Variants in AP2A2 observed in about 807,000 individuals in gnomAD.
AP2A2 encodes AP-2 complex subunit alpha-2.
AP2A2 carries 32 observed loss-of-function variants against 104.2 expected under a neutral mutation model. The ratio of observed to expected loss-of-function variants is 0.31; its 90% confidence interval spans 0.23 to 0.41. The LOEUF is 0.41. Ranked by LOEUF, AP2A2 falls within the 10% of genes least tolerant of loss-of-function variation. AP2A2 has a pLI of 1.00. For missense variants in AP2A2, 912 were observed against 1,261.0 expected (o/e 0.72, Z 4.19); for synonymous variants, 539 against 533.3 (o/e 1.01, Z -0.15).
rs754635739 is a variant in AP2A2 at position 993,842 on chromosome 11, T to C, written c.1639T>C (p.Phe547Leu). 6.2e-7 allele frequency: 1 copy of C among 1,609,362 alleles called. No homozygotes were observed. Among genetic ancestry groups the C allele is most frequent in the South Asian group, 1.1e-5 (1 of 90,960 alleles). ...GCTGCTCCTGTCCACCTACATCAAG[T>C]TCGTGAACCTCTTCCCGGAGGTGAA... ...RALLLSTYIKFVNLFPEVKPT... is the reference protein window; with the variant it reads ...RALLLSTYIKLVNLFPEVKPT... The change falls in exon 13 of 22, where the codon TTC (phenylalanine) becomes CTC (leucine). Residue 547 changes from phenylalanine to leucine, a missense_variant. By Grantham distance (22) the Phe-to-Leu change is conservative. Around this residue, in one of 7 missense-constraint regions of AP2A2, gnomAD observed 137 missense variants for 186.9 expected, o/e 0.73. Coordinates refer to ENST00000448903, the MANE Select transcript of AP2A2 (RefSeq NM_012305.4). The surrounding 1 kb of genome is among the most constrained non-coding windows in gnomAD (Gnocchi z 8.2).
chr11:941,364 C>T (rs1480561132), intron 1 of AP2A2, among the ~76,000 whole-genome samples: 4 of 152,124 alleles, frequency 2.6e-5, no homozygotes, highest in African/African-American at 7.2e-5. Context: ...ACACATGCCC[C>T]GGCCCCCATT....
At chr11:995,420 C>T (rs934345241) in intron 14 of AP2A2, 4 of 455,592 alleles carry the variant, frequency 8.8e-6, no homozygotes, top group African/African-American at 8.0e-5. Context: ...AGGGAGGGCT[C>T]CTGTCGGGGT....
intron 1 of AP2A2, among the ~76,000 whole-genome samples, chr11:955,669 C>T (rs1369079046): frequency 6.6e-6 from 1 of 152,242 alleles, no homozygotes; most frequent in Admixed American, 6.5e-5. Context: ...CCTGTTCTGA[C>T]CACCTGTCCA....
At position 956,634 on chromosome 11, in the gene AP2A2, C is replaced by G. The variant is rs1460144836; in HGVS notation, c.68-2803C>G. ...CACAGCTGGTCCAGGTAGAGTTAAA[C>G]TACACGTGGTCTCATCTCTCTCCCT... On this transcript the variant is annotated intron_variant, in intron 1 of 21. Coordinates refer to ENST00000448903, the MANE Select transcript of AP2A2 (RefSeq NM_012305.4). Among the ~76,000 whole-genome samples, 3 of 152,228 alleles carry G rather than the reference C, an allele frequency of 2.0e-5. No homozygotes were observed. In the East Asian group the frequency reaches 5.8e-4, roughly 29 times the overall value.
In AP2A2 at chr11:929,632, A is replaced by G. The variant is rs60151450; in HGVS notation, c.67+3544A>G. The stretch of plus-strand genomic sequence containing the variant: ...ATATAGTGAGACCCCTGTCTTTTCA[A>G]AAGAGAAAAAAGAATTAGCCAGGCG... On this transcript the variant is annotated intron_variant, in intron 1 of 21. Transcript: ENST00000448903. Among the ~76,000 whole-genome samples, 1,365 of 152,262 alleles carry G rather than the reference A, an allele frequency of 9.0e-3. 19 individuals are homozygous for G. Among genetic ancestry groups the G allele is most frequent in the African/African-American group, 0.032 (1,312 of 41,538 alleles).
intron 1 of AP2A2, among the ~76,000 whole-genome samples, chr11:938,616 A>T (rs989939033): frequency 1.3e-5 from 2 of 151,816 alleles, no homozygotes; most frequent in Non-Finnish European, 2.9e-5. Flanking sequence ...CTGGGACTAC[A>T]GGTGCCCGCC....
chr11:944,466 A>T (rs10751670), intron 1 of AP2A2, among the ~76,000 whole-genome samples: 1 of 151,982 alleles, frequency 6.6e-6, no homozygotes, highest in Non-Finnish European at 1.5e-5. Flanking sequence ...GACAGAGATC[A>T]AAAAGAAAAA....
intron 10 of AP2A2, among the ~76,000 whole-genome samples, chr11:990,904 C>T (rs1342247158): frequency 7.0e-6 from 1 of 142,504 alleles, no homozygotes; most frequent in Non-Finnish European, 1.5e-5. Context: ...TTCAGCTGGG[C>T]ATGGTGCTCC....
intron 14 of AP2A2, among the ~76,000 whole-genome samples, chr11:999,093 G>A (rs938022110): frequency 6.6e-6 from 1 of 152,196 alleles, no homozygotes; most frequent in Non-Finnish European, 1.5e-5. Context: ...CCAAAGTCAG[G>A]CTGCTGGGGC....
chr11:959,356 C>T (rs1241138282), intron 1 of AP2A2, 81 bp from the exon 2 acceptor site: 36 of 982,478 alleles, frequency 3.7e-5, no homozygotes, highest in Non-Finnish European at 5.6e-5. Context: ...TTCGTGAGTT[C>T]TGAGTGTCAG....
chr11:970,675 G>A (rs1488178444), intron 3 of AP2A2, among the ~76,000 whole-genome samples: 1 of 152,272 alleles, frequency 6.6e-6, no homozygotes, highest in Non-Finnish European at 1.5e-5. Flanking sequence ...GCGGCCCAGC[G>A]TTTGATGTGG....
At chr11:949,315 A>C (rs1044092497) in intron 1 of AP2A2, among the ~76,000 whole-genome samples, 16 of 151,962 alleles carry the variant, frequency 1.1e-4, no homozygotes, top group Non-Finnish European at 4.4e-5. Flanking sequence ...AACTCTTTGG[A>C]AAAGTAGGAG....
At chr11:975,119 G>A (rs1057431766) in intron 4 of AP2A2, among the ~76,000 whole-genome samples, 4 of 152,208 alleles carry the variant, frequency 2.6e-5, no homozygotes, top group Admixed American at 6.5e-5. Context: ...AGGTAGGGAC[G>A]GGAGGCAGCG....
At chr11:965,838 G>T (rs752541357) in intron 2 of AP2A2, among the ~76,000 whole-genome samples, 1 of 152,194 alleles carries the variant, frequency 6.6e-6, no homozygotes, top group Non-Finnish European at 1.5e-5. Flanking sequence ...CAGAGACATG[G>T]TAGTTTCTTT....
chr11:935,534 T>G (rs1853424135), intron 1 of AP2A2, among the ~76,000 whole-genome samples: 1 of 150,462 alleles, frequency 6.6e-6, no homozygotes, highest in African/African-American at 2.4e-5. Context: ...ACTCCTGACC[T>G]CAAGTGATGC....
At chr11:998,839 G>A (rs145389275) in intron 14 of AP2A2, among the ~76,000 whole-genome samples, 2,998 of 152,228 alleles carry the variant, frequency 0.02, 102 homozygotes, top group African/African-American at 0.068. Flanking sequence ...GATTACAGGC[G>A]TGTGCCACCA....
intron 10 of AP2A2, among the ~76,000 whole-genome samples, chr11:989,408 G>A (rs749148539): frequency 1.1e-4 from 17 of 152,110 alleles, no homozygotes; most frequent in Non-Finnish European, 2.2e-4. Context: ...TGGCACTGTA[G>A]CCCCAGGTCT....
intron 1 of AP2A2, among the ~76,000 whole-genome samples, chr11:955,633 G>C (rs1589963372): frequency 6.6e-6 from 1 of 152,224 alleles, no homozygotes; most frequent in Non-Finnish European, 1.5e-5. Context: ...TTGGGTCGGG[G>C]AGCCGCCACA....
chr11:989,776 A>G (rs770125791), intron 10 of AP2A2, among the ~76,000 whole-genome samples: 8 of 152,162 alleles, frequency 5.3e-5, no homozygotes, highest in Non-Finnish European at 1.2e-4. Context: ...TCTCAGGCTC[A>G]CCGTGTCTGT....
Sources: gnomAD v4.1 joint callset for allele counts (sites outside exome capture counted in the v4.1 genomes callset) on GRCh38, gnomAD v4.1.1 for gene constraint, gnomAD v4.1.1 regional missense constraint, Gnocchi (gnomAD v3.1) non-coding constraint, MANE v1.5 for transcripts, NCBI Gene and HGNC (gene_info 2026-07-23, HGNC 2026-07-21) for gene names.